The following RNF13 variants were observed in gnomAD, a reference collection of about 807,000 sequenced individuals.
The protein encoded by RNF13 is E3 ubiquitin-protein ligase RNF13.
RNF13 carries 19 observed loss-of-function variants against 37.7 expected under a neutral mutation model. The observed-to-expected ratio is 0.50, with a 90% CI of 0.35 to 0.74. The LOEUF (loss-of-function observed/expected upper bound fraction) is 0.74, where lower values mean the gene tolerates loss of function less well. RNF13 is among the 30% of genes least tolerant of loss of function. The pLI is 0.01. For synonymous variants in RNF13, 144 were observed against 157.8 expected, an observed-to-expected ratio of 0.91 and a Z score of 0.65; for missense variants, 375 against 453.0, an observed-to-expected ratio of 0.83 and a Z score of 1.56.
intron 8 of RNF13, among the ~76,000 whole-genome samples, chr3:149,954,779 G>C (rs1370735599): frequency 6.6e-6 from 1 of 152,078 alleles, no homozygotes; most frequent in Non-Finnish European, 1.5e-5. Flanking sequence ...TATAGTAGTA[G>C]CCTTTTAGTT....
intron 6 of RNF13, among the ~76,000 whole-genome samples, chr3:149,905,152 A>G (rs1044608828): frequency 1.5e-4 from 23 of 152,250 alleles, no homozygotes; most frequent in African/African-American, 5.3e-4. Flanking sequence ...GTTTTAATGT[A>G]TATGTATTTT....
At chr3:149,842,972 T>C (rs546708661) in intron 1 of RNF13, among the ~76,000 whole-genome samples, 1 of 152,298 alleles carries the variant, frequency 6.6e-6, no homozygotes, top group South Asian at 2.1e-4. Context: ...GTATGCACAG[T>C]GTGCCCCCAA....
intron 3 of RNF13, among the ~76,000 whole-genome samples, chr3:149,859,576 G>A (rs1724011106): frequency 6.6e-6 from 1 of 152,006 alleles, no homozygotes; most frequent in Admixed American, 6.6e-5. Context: ...TTTTCTCATT[G>A]CATTACTGGG....
In RNF13 at chr3:149,961,396, A is replaced by G. The variant is rs1722412277; in HGVS notation, c.*292A>G. 1 of 540,922 alleles carries G rather than the reference A, an allele frequency of 1.8e-6. No individual in the cohort carries two copies. The highest frequency in any genetic ancestry group is 1.9e-5 in the African/African-American group (1 of 52,948). 33.5% of individuals were successfully genotyped at this position (540,922 alleles called of 1,614,324 possible). On this transcript the variant is annotated 3_prime_UTR_variant, in exon 10 of 10. Coordinates refer to ENST00000392894, the MANE Select transcript of RNF13 (RefSeq NM_183381.3). ...AAAATCCTCAGTATAGCTTGCAATTAAGACCTAGATCACAGTATTTAAGTG... is the reference window on the plus strand; with the variant it reads ...AAAATCCTCAGTATAGCTTGCAATTGAGACCTAGATCACAGTATTTAAGTG...
intron 4 of RNF13, among the ~76,000 whole-genome samples, chr3:149,878,009 C>G (rs1244737665): frequency 1.3e-5 from 2 of 151,894 alleles, no homozygotes; most frequent in Non-Finnish European, 2.9e-5. Flanking sequence ...CTTCTTTTAC[C>G]AGGAAGGTAA....
At chr3:149,957,714 T>C (rs777695183) in intron 8 of RNF13, among the ~76,000 whole-genome samples, 2 of 152,228 alleles carry the variant, frequency 1.3e-5, no homozygotes, top group Non-Finnish European at 2.9e-5. Context: ...CGAAACACCA[T>C]GTAAATTACT....
chr3:149,905,980 T>A (rs1181227443), intron 6 of RNF13, among the ~76,000 whole-genome samples: 3 of 152,214 alleles, frequency 2.0e-5, no homozygotes, highest in Admixed American at 6.5e-5. Flanking sequence ...TGCAGTCACT[T>A]CCTATTCCCC....
intron 1 of RNF13, among the ~76,000 whole-genome samples, chr3:149,833,411 A>T (rs1398044266): frequency 6.6e-6 from 1 of 152,236 alleles, no homozygotes; most frequent in East Asian, 1.9e-4. Context: ...GCACGTTAAA[A>T]GCATTATACA....
intron 1 of RNF13, among the ~76,000 whole-genome samples, chr3:149,831,271 G>GCA (rs1178507200): frequency 2.1e-4 from 32 of 152,234 alleles, no homozygotes; most frequent in African/African-American, 7.7e-4. Flanking sequence ...TGCACCACAT[G>GCA]CCTGGAAAAG....
intron 5 of RNF13, among the ~76,000 whole-genome samples, chr3:149,897,047 T>C (rs1715342961): frequency 6.6e-6 from 1 of 152,148 alleles, no homozygotes; most frequent in Admixed American, 6.5e-5. Flanking sequence ...GTACTGCCAA[T>C]TTGACACATT....
chr3:149,898,009 G>A (rs1216016231), intron 5 of RNF13, among the ~76,000 whole-genome samples: 1 of 152,210 alleles, frequency 6.6e-6, no homozygotes, highest in Non-Finnish European at 1.5e-5. Flanking sequence ...GGAAATATGT[G>A]TTTATTCTAA....
chr3:149,911,972 T>C lies in RNF13; in HGVS notation c.501-6T>C. On this transcript the variant is annotated splice_polypyrimidine_tract_variant and splice_region_variant and intron_variant, in intron 6 of 9. Transcript: ENST00000392894. ...TTCTCAATTATTGATTTTTGTTTTC[T>C]TCTAGGGGCCACCTTATCTTAGTTC... is the stretch of plus-strand genomic sequence containing the variant. The C allele has an allele frequency of 1.4e-6, 2 of 1,460,120 alleles. 1 individual carries two copies. Among genetic ancestry groups the C allele is most frequent in the Non-Finnish European group, 1.9e-6 (2 of 1,045,268 alleles). 90.4% of individuals were successfully genotyped at this position (1,460,120 alleles called of 1,614,324 possible). A position where few individuals can be genotyped will look rare whatever the true frequency, so the allele number is the denominator to read the frequency against.
intron 4 of RNF13, among the ~76,000 whole-genome samples, chr3:149,890,349 A>G (rs1463103923): frequency 6.6e-6 from 1 of 152,184 alleles, no homozygotes; most frequent in African/African-American, 2.4e-5. Context: ...CCACAAGTCT[A>G]CTTTTCTAAA....
chr3:149,866,966 C>G (rs917824354), intron 3 of RNF13, among the ~76,000 whole-genome samples: 1 of 152,048 alleles, frequency 6.6e-6, no homozygotes, highest in African/African-American at 2.4e-5. Flanking sequence ...TGAAAATGTT[C>G]CATGTGCTGA....
intron 3 of RNF13, among the ~76,000 whole-genome samples, chr3:149,861,363 A>G (rs1343112772): frequency 6.6e-6 from 1 of 152,200 alleles, no homozygotes; most frequent in Non-Finnish European, 1.5e-5. Context: ...ACAATAGCCA[A>G]GATGTGGAAT....
At chr3:149,875,016 A>G (rs530017280) in intron 4 of RNF13, among the ~76,000 whole-genome samples, 1 of 152,280 alleles carries the variant, frequency 6.6e-6, no homozygotes, top group African/African-American at 2.4e-5. Context: ...TATCTCTTAT[A>G]GATAATCAGT....
At chr3:149,895,330 A>G (rs1715129385) in intron 4 of RNF13, 143 bp from the exon 5 acceptor site, 1 of 541,586 alleles carries the variant, frequency 1.8e-6, no homozygotes, top group East Asian at 3.1e-5. Context: ...AGAGCAAAAC[A>G]GATTAATGCT....
chr3:149,845,862 A>G lies in RNF13; in HGVS notation c.-16-149A>G, dbSNP rs1722593705. The G allele has an allele frequency of 5.4e-6, 3 of 551,544 alleles. No individual in the cohort carries two copies. The East Asian group carries it at 8.8e-5, about 16-fold the overall frequency. The allele number at this position is 551,544 out of a possible 1,614,324, so 34.2% of individuals were successfully genotyped here. On this transcript the variant is annotated intron_variant, in intron 1 of 9. Coordinates refer to ENST00000392894, the MANE Select transcript of RNF13 (RefSeq NM_183381.3). The stretch of plus-strand genomic sequence containing the variant: ...AATGTCCAAATCTGTGTAAGTTCTT[A>G]TGCTTTTGAAATAAAAGCTTTACTT...
intron 2 of RNF13, chr3:149,851,728 T>G (rs539956671): frequency 6.6e-6 from 1 of 152,324 alleles, no homozygotes; most frequent in South Asian, 2.1e-4. Context: ...TTACTATCTA[T>G]ACTTGTTTAC....
Sources: gnomAD v4.1 joint callset for allele counts (sites outside exome capture counted in the v4.1 genomes callset) on GRCh38, gnomAD v4.1.1 for gene constraint, MANE v1.5 for transcripts, NCBI Gene and HGNC (gene_info 2026-07-23, HGNC 2026-07-21) for gene names.